The following CEP63 variants were observed in gnomAD, a reference collection of about 807,000 sequenced individuals.
CEP63 encodes the protein centrosomal protein 63.
In CEP63, 84 loss-of-function variants were observed where a neutral mutation model predicts 89.1. The observed-to-expected ratio is 0.94, with a 90% CI of 0.79 to 1.13. The LOEUF (loss-of-function observed/expected upper bound fraction) is 1.13, where lower values mean the gene tolerates loss of function less well. CEP63 is among the 50% of genes most tolerant of loss of function. CEP63 has a pLI of 0.00. For synonymous variants in CEP63, 267 were observed against 272.5 expected, an observed-to-expected ratio of 0.98 and a Z score of 0.20; for missense variants, 838 against 813.3, an observed-to-expected ratio of 1.03 and a Z score of -0.37.
chr3:134,782,478 T>A, the CEP63 span, among the ~76,000 whole-genome samples: 1 of 152,200 alleles, frequency 6.6e-6, no homozygotes, highest in Non-Finnish European at 1.5e-5. Context: ...TTTTCTACTG[T>A]TTTAAAGTTT....
chr3:134,715,893 T>G, the CEP63 span, among the ~76,000 whole-genome samples: 5 of 152,170 alleles, frequency 3.3e-5, no homozygotes, highest in Admixed American at 3.3e-4. Context: ...TAAATTGTTG[T>G]CTCCTATTTA....
In CEP63 at chr3:134,550,158, G is replaced by A; in HGVS notation, c.1278G>A (p.Gln426=). 6.2e-7 allele frequency: 1 copy of A among 1,613,994 alleles called. No homozygotes were observed. Among genetic ancestry groups the A allele is most frequent in the Non-Finnish European group, 8.5e-7 (1 of 1,179,894 alleles). The part of the protein sequence containing the change: ...EISHLTQELH[Q]RDITIASTKG... ...CCCATCTAACTCAGGAGTTACATCA[G>A]CGAGATATCACTATTGCTTCCACCA... Residue 426 remains glutamine, a synonymous_variant, in exon 11 of 15, where the codon CAG becomes CAA. Coordinates refer to ENST00000675561, the MANE Select transcript of CEP63 (RefSeq NM_001353108.3).
chr3:134,608,632 A>G, the CEP63 span: 4 of 1,613,956 alleles, frequency 2.5e-6, no homozygotes, highest in Non-Finnish European at 3.4e-6. Flanking sequence ...GCACACTGGC[A>G]CCTGCTCCGG....
At chr3:134,694,666 T>C in the CEP63 span, among the ~76,000 whole-genome samples, 2 of 152,204 alleles carry the variant, frequency 1.3e-5, no homozygotes, top group Non-Finnish European at 1.5e-5. Flanking sequence ...GCATTCTTTC[T>C]CACAGAGCCC....
the CEP63 span, among the ~76,000 whole-genome samples, chr3:134,654,391 T>G: frequency 1.3e-5 from 2 of 152,166 alleles, no homozygotes; most frequent in Non-Finnish European, 2.9e-5. Flanking sequence ...GTTTCTCTCT[T>G]CTCTATAGAG....
rs1221648542 is a variant in CEP63, at chr3:134,564,701, A to T, written c.*3166A>T. The T allele has an allele frequency of 1.0e-6, 1 of 985,276 alleles. No homozygotes were observed. The highest frequency in any genetic ancestry group is 1.2e-6 in the Non-Finnish European group (1 of 829,898). The allele number at this position is 985,276 out of a possible 1,614,324, so 61.0% of individuals were successfully genotyped here. A position where few individuals can be genotyped will look rare whatever the true frequency, so the allele number is the denominator to read the frequency against. On this transcript the variant is annotated 3_prime_UTR_variant, in exon 15 of 15. Coordinates refer to ENST00000675561, the MANE Select transcript of CEP63 (RefSeq NM_001353108.3). ...AGGGCTTTGCAGTTTTAAGTACTGT[A>T]CCTATGTGCATTGCTGTTACATTCA...
At chr3:134,567,001 A>C (rs1172163963), downstream of CEP63, among the ~76,000 whole-genome samples, 1 of 152,232 alleles carries the variant, frequency 6.6e-6, no homozygotes, top group Non-Finnish European at 1.5e-5. Flanking sequence ...ATAACACCAA[A>C]GTGGAAGCAA....
At chr3:134,524,136 C>A (rs1948126965) in intron 3 of CEP63, among the ~76,000 whole-genome samples, 2 of 151,934 alleles carry the variant, frequency 1.3e-5, no homozygotes, top group African/African-American at 4.8e-5. Context: ...GTATTTTATT[C>A]TTTTTGTGAC....
At chr3:134,643,594 C>G in the CEP63 span, among the ~76,000 whole-genome samples, 3 of 152,250 alleles carry the variant, frequency 2.0e-5, no homozygotes, top group East Asian at 1.9e-4. Context: ...GCACACACCC[C>G]TTGTGCCTCT....
the CEP63 span, chr3:134,620,959 A>C: frequency 1.4e-6 from 1 of 730,932 alleles, no homozygotes; most frequent in Non-Finnish European, 2.4e-6. Context: ...CTCCAGGCAG[A>C]GAAGCTGGAG....
chr3:134,510,050 G>A (rs1332631730), intron 3 of CEP63, among the ~76,000 whole-genome samples: 1 of 152,132 alleles, frequency 6.6e-6, no homozygotes, highest in Non-Finnish European at 1.5e-5. Context: ...TTTGGAGAGG[G>A]AGAGAATTAA....
the CEP63 span, among the ~76,000 whole-genome samples, chr3:134,635,658 G>A: frequency 5.3e-5 from 8 of 152,144 alleles, no homozygotes; most frequent in Non-Finnish European, 1.5e-5. Flanking sequence ...AACCACCATA[G>A]TGGTGGTTTC....
At chr3:134,637,245 G>A in the CEP63 span, among the ~76,000 whole-genome samples, 4 of 152,200 alleles carry the variant, frequency 2.6e-5, no homozygotes, top group Non-Finnish European at 5.9e-5. Context: ...AGTTCTGGTC[G>A]TAGGACTGGG....
the CEP63 span, among the ~76,000 whole-genome samples, chr3:134,730,063 G>A: frequency 6.6e-6 from 1 of 152,198 alleles, no homozygotes; most frequent in Non-Finnish European, 1.5e-5. Flanking sequence ...GCAAGGAAGA[G>A]CCACCTTGCT....
the CEP63 span, chr3:134,607,161 A>G: frequency 1.0e-6 from 1 of 985,436 alleles, no homozygotes; most frequent in Non-Finnish European, 1.2e-6. Context: ...GGCCTATGAT[A>G]CATTGAACAA....
At chr3:134,672,680 T>A in the CEP63 span, among the ~76,000 whole-genome samples, 20 of 152,316 alleles carry the variant, frequency 1.3e-4, no homozygotes, top group Admixed American at 1.2e-3. Context: ...TCCCTTGCCT[T>A]CTCTCCATGC....
At chr3:134,490,977 C>G (rs1937419373) in intron 1 of CEP63, among the ~76,000 whole-genome samples, 1 of 152,178 alleles carries the variant, frequency 6.6e-6, no homozygotes, top group African/African-American at 2.4e-5. Flanking sequence ...TTCGTCCCCT[C>G]TTGATAGACA....
At chr3:134,701,277 C>CATATACGTATATATGTGTGT in the CEP63 span, among the ~76,000 whole-genome samples, 1 of 38,686 alleles carries the variant, frequency 2.6e-5, no homozygotes, top group Non-Finnish European at 5.0e-5. Context: ...CATATACACA[C>CATATACGTATATATGTGTGT]ATATATACGT....
chr3:134,624,812 T>G, the CEP63 span, among the ~76,000 whole-genome samples: 1 of 151,742 alleles, frequency 6.6e-6, no homozygotes, highest in East Asian at 1.9e-4. Context: ...CAGGGTGTGT[T>G]GTATGGGGTG....
Sources: allele counts gnomAD v4.1 joint callset (sites outside exome capture counted in the v4.1 genomes callset), GRCh38; gene constraint gnomAD v4.1.1; transcripts MANE v1.5; gene names NCBI Gene and HGNC (gene_info 2026-07-23, HGNC 2026-07-21).